The following RYR1 variants were observed in gnomAD, a reference collection of about 807,000 sequenced individuals.
RYR1 encodes the protein ryanodine receptor 1, also known as central core disease of muscle.
RYR1 carries 342 observed loss-of-function variants against 583.5 expected under a neutral mutation model. The observed-to-expected ratio is 0.59, with a 90% confidence interval of 0.54 to 0.64. The LOEUF (loss-of-function observed/expected upper bound fraction) is 0.64. Ranked by LOEUF, RYR1 falls within the 30% of genes least tolerant of loss-of-function variation. RYR1 has a pLI of 0.00. For missense variants in RYR1, 6,032 were observed against 6,917.2 expected (o/e 0.87, Z 4.54); for synonymous variants, 2,791 against 2,822.5 (o/e 0.99, Z 0.35).
rs541627923 is a variant in RYR1 at position 38,578,031 on chromosome 19, G to A, written c.14286G>A (p.Pro4762=). Residue 4762 remains proline (P), a synonymous_variant, in exon 98 of 106, where the codon CCG becomes CCA. Coordinates refer to ENST00000359596, the MANE Select transcript of RYR1 (RefSeq NM_000540.3). ...TAHNERKPNP[P]PGLLTWLMSI... is the part of the protein sequence containing the mutation. Reference sequence around the variant, plus strand: ...ACAATGAGCGCAAGCCCAACCCGCCGCCAGGGCTGCTGACCTGGTGAGCCC... The same window carrying A: ...ACAATGAGCGCAAGCCCAACCCGCCACCAGGGCTGCTGACCTGGTGAGCCC... 2.8e-5 allele frequency: 45 copies of A among 1,614,066 alleles called. No homozygotes were observed. The highest frequency in any genetic ancestry group is 2.6e-4 in the South Asian group (24 of 91,072).
Position 38,512,467 on chromosome 19 carries a change from C to T in RYR1, c.9456C>T (p.Phe3152=), listed in dbSNP as rs369206584. The T allele has an allele frequency of 9.2e-5, 148 of 1,611,994 alleles. No individual in the cohort carries two copies. Among genetic ancestry groups the T allele is most frequent in the Middle Eastern group, 3.3e-4 (2 of 6,084 alleles). The change falls in exon 63 of 106, where the codon TTC becomes TTT. Residue 3152 remains phenylalanine (F), a synonymous_variant. Coordinates refer to ENST00000359596, the MANE Select transcript of RYR1 (RefSeq NM_000540.3). The surrounding 1 kb of genome is among the most constrained non-coding windows in gnomAD (Gnocchi z 5.1). Reference sequence around the variant, plus strand: ...TCCAGCACATCGCCCAGCACCAGTTCGGAGATGACGTCATCCGTAAGGGCG... The same window carrying T: ...TCCAGCACATCGCCCAGCACCAGTTTGGAGATGACGTCATCCGTAAGGGCG... ...TLFQHIAQHQ[F]GDDVILDDVQ... is the part of the protein sequence containing the mutation.
In RYR1 at chr19:38,496,987, G is replaced by C. The variant is rs767223085; in HGVS notation, c.6891+33G>C. On this transcript the variant is annotated intron_variant, in intron 42 of 105. Coordinates refer to ENST00000359596, the MANE Select transcript of RYR1 (RefSeq NM_000540.3). This position sits in a 1 kb window ranked among gnomAD's most constrained non-coding sequence, Gnocchi z 4.8. ...GGGCAGGGCTGGGCCCCAGGCCTAA[G>C]GGAGGAAATCGGGCCGCTACCCGGC... 2 of 1,587,658 alleles carry C rather than the reference G, an allele frequency of 1.3e-6. No homozygotes were observed. Among genetic ancestry groups the C allele is most frequent in the Non-Finnish European group, 1.7e-6 (2 of 1,156,958 alleles).
intron 33 of RYR1, among the ~76,000 whole-genome samples, chr19:38,485,004 A>G (rs547037503): frequency 2.0e-5 from 3 of 151,866 alleles, no homozygotes; most frequent in Non-Finnish European, 4.4e-5. Context: ...TAAGCACTTT[A>G]CTATGTGCTA....
chr19:38,441,184 C>T (rs1023821326), intron 2 of RYR1, among the ~76,000 whole-genome samples: 1 of 144,462 alleles, frequency 6.9e-6, no homozygotes, highest in South Asian at 2.3e-4. Context: ...GGGGAGGTAG[C>T]CTGAGAGTCC....
rs1969261114 is a variant in RYR1 at position 38,485,864 on chromosome 19, C to A, written c.5209C>A (p.Leu1737Ile). ...CATGCTCTCTGAATACATCGTGCCC[C>A]TCACGCCTGAGACCCGCGCCATCAC... Reference protein sequence around the residue: ...RSMLSEYIVPLTPETRAITLF... With the variant: ...RSMLSEYIVPITPETRAITLF... Residue 1737 changes from leucine (L) to isoleucine (I), a missense_variant, in exon 34 of 106, where the codon CTC becomes ATC. Physicochemically the swap from Leu to Ile is conservative, Grantham distance 5 (BLOSUM62 2). Coordinates refer to ENST00000359596, the MANE Select transcript of RYR1 (RefSeq NM_000540.3). 2 of 1,613,696 alleles carry A rather than the reference C, an allele frequency of 1.2e-6. No homozygotes were observed. Among genetic ancestry groups the A allele is most frequent in the African/African-American group, 1.3e-5 (1 of 74,932 alleles).
Position 38,567,916 on chromosome 19 carries a change from TG to T in RYR1, c.13659+1del, listed in dbSNP as rs778525308. 1 of 1,613,196 alleles carries T rather than the reference TG, an allele frequency of 6.2e-7. No homozygotes were observed. Among genetic ancestry groups the T allele is most frequent in the Non-Finnish European group, 8.5e-7 (1 of 1,179,928 alleles). On this transcript the variant is annotated frameshift_variant and splice_region_variant, in exon 93 of 106. Coordinates refer to ENST00000359596, the MANE Select transcript of RYR1 (RefSeq NM_000540.3). LOFTEE classifies it high-confidence loss of function. ...GELEVQRVKF[L>X]NYLSRNFYTL... Reference sequence around the variant, plus strand: ...CTGGAGGTGCAGAGGGTGAAGTTCCTGGTAAGGATCCAGCCAGGTCACCTGA... The same window carrying T: ...CTGGAGGTGCAGAGGGTGAAGTTCCTGTAAGGATCCAGCCAGGTCACCTGA...
Position 38,570,627 on chromosome 19 carries a change from T to C in RYR1, c.13680T>C (p.Phe4560=), listed in dbSNP as rs377664510. The change falls in exon 94 of 106, where the codon TTT becomes TTC. Residue 4560 remains phenylalanine (F), a synonymous_variant. Transcript: ENST00000359596. ...CTCAGAACTACCTGTCCCGGAACTT[T>C]TACACCCTGCGGTTCCTTGCCCTCT... is the stretch of plus-strand genomic sequence containing the variant. ...VKFLNYLSRN[F]YTLRFLALFL... The C allele has an allele frequency of 3.3e-4, 538 of 1,614,044 alleles. 5 individuals carry two copies. The South Asian group carries it at 5.6e-3, about 17-fold the overall frequency.
Position 38,528,350 on chromosome 19 carries a change from T to G in RYR1, c.10869T>G (p.Leu3623=), listed in dbSNP as rs1345254137. 2 of 1,613,918 alleles carry G rather than the reference T, an allele frequency of 1.2e-6. No homozygotes were observed. Among genetic ancestry groups the G allele is most frequent in the Non-Finnish European group, 1.7e-6 (2 of 1,179,990 alleles). The change falls in exon 74 of 106, where the codon CTT becomes CTG. Residue 3623 remains leucine, a synonymous_variant. Transcript: ENST00000359596. Reference sequence around the variant, plus strand: ...CTAAGAAGGCCGTGTGGCACAAGCTTTTGTCCAAACAGCGCCGGCGGGCAG... The same window carrying G: ...CTAAGAAGGCCGTGTGGCACAAGCTGTTGTCCAAACAGCGCCGGCGGGCAG... The part of the protein sequence containing the change: ...YKSKKAVWHK[L]LSKQRRRAVV...
At chr19:38,525,525 G>A (rs1423338245) in intron 71 of RYR1, 23 bp downstream of exon 71, 8 of 1,611,576 alleles carry the variant, frequency 5.0e-6, no homozygotes, top group East Asian at 2.2e-5. Flanking sequence ...CCCCGTCCTC[G>A]GAACCTTCCA....
chr19:38,440,891 G>C (rs765145184), intron 2 of RYR1, 27 bp downstream of exon 2: 3 of 1,601,946 alleles, frequency 1.9e-6, no homozygotes, highest in Non-Finnish European at 2.6e-6. Flanking sequence ...GAGGGGCCTG[G>C]GGACAGGGGC....
At chr19:38,529,139 G>A (rs1971619055) in intron 76 of RYR1, 82 bp downstream of exon 76, 2 of 1,398,376 alleles carry the variant, frequency 1.4e-6, no homozygotes, top group Non-Finnish European at 1.0e-6. Context: ...TGTGCCTCAG[G>A]AGAGGCCCTC....
At chr19:38,529,787 G>T (rs1355496959) in intron 76 of RYR1, among the ~76,000 whole-genome samples, 1 of 152,092 alleles carries the variant, frequency 6.6e-6, no homozygotes, top group Admixed American at 6.6e-5. Flanking sequence ...TGCAGATGGC[G>T]CAGCTGCTGC....
chr19:38,473,691 CCCGCAGG>C lies in RYR1; in HGVS notation c.4082_4088del (p.Pro1361ArgfsTer35). 1 of 1,549,864 alleles carries C rather than the reference CCCGCAGG, an allele frequency of 6.5e-7. No homozygotes were observed. Reference sequence around the variant, plus strand: ...CGAAGGAGGGCGCCCCCGGGGGCACCCCGCAGGCGGGGGGAGAGGCGCAGCCCGCCAG... The same window carrying C: ...CGAAGGAGGGCGCCCCCGGGGGCACCCGGGGGGAGAGGCGCAGCCCGCCAG... On this transcript the variant is annotated frameshift_variant, in exon 28 of 106. Coordinates refer to ENST00000359596, the MANE Select transcript of RYR1 (RefSeq NM_000540.3). LOFTEE classifies it high-confidence loss of function.
chr19:38,552,473 G>C (rs548863505), intron 89 of RYR1, among the ~76,000 whole-genome samples: 2 of 151,984 alleles, frequency 1.3e-5, no homozygotes, highest in East Asian at 1.9e-4. Flanking sequence ...AGGTGGTCTC[G>C]ATCTCCTGAC....
At chr19:38,504,498 T>A (rs1970349055) in intron 50 of RYR1, 138 bp downstream of exon 50, 1 of 1,226,120 alleles carries the variant, frequency 8.2e-7, no homozygotes, top group South Asian at 1.5e-5. Flanking sequence ...GGAGGATCTA[T>A]GGGTTGAGGC....
Position 38,475,359 on chromosome 19 carries a change from C to T in RYR1, c.4202C>T (p.Pro1401Leu). 1.2e-6 allele frequency: 2 copies of T among 1,611,156 alleles called. No individual in the cohort carries two copies. The highest frequency in any genetic ancestry group is 2.2e-5 in the East Asian group (1 of 44,790). The change falls in exon 29 of 106, where the codon CCA becomes CTA. Residue 1401 changes from proline (P) to leucine (L), a missense_variant. This residue lies in a region of RYR1 where 2,627 missense variants were observed against 2,961.3 expected (regional missense o/e 0.89). Transcript: ENST00000359596. ...AAGAAGGTCGCCATGATGACCCAGC[C>T]ACCGGCCACCCCCACGCTGCCCCGA... ...KAKKVAMMTQ[P>L]PATPTLPRLP...
intron 97 of RYR1, among the ~76,000 whole-genome samples, chr19:38,576,274 C>CA (rs777646975): frequency 1.3e-5 from 2 of 151,990 alleles, no homozygotes; most frequent in African/African-American, 4.8e-5. Context: ...GGCAACATGG[C>CA]AAAATGCCGT....
chr19:38,528,600 C>T lies in RYR1; in HGVS notation c.10939C>T (p.His3647Tyr). ...RMTPLYNLPT[H>Y]RACNMFLESY... ...TGACGTCACACCTCTCCCCTGCAGGCACCGGGCATGTAACATGTTCCTGGA... is the reference window on the plus strand; with the variant it reads ...TGACGTCACACCTCTCCCCTGCAGGTACCGGGCATGTAACATGTTCCTGGA... The change falls in exon 75 of 106, where the codon CAC (histidine) becomes TAC (tyrosine). Residue 3647 changes from histidine (H) to tyrosine (Y), a missense_variant and splice_region_variant. By Grantham distance (83) the His-to-Tyr change is moderately conservative. This residue lies in a region of RYR1 where 1,493 missense variants were observed against 1,715.5 expected (regional missense o/e 0.87). Coordinates refer to ENST00000359596, the MANE Select transcript of RYR1 (RefSeq NM_000540.3). 1 of 1,614,124 alleles carries T rather than the reference C, an allele frequency of 6.2e-7. No homozygotes were observed. The highest frequency in any genetic ancestry group is 8.5e-7 in the Non-Finnish European group (1 of 1,180,008).
At position 38,466,086 on chromosome 19, in the gene RYR1, C is replaced by A; in HGVS notation, c.2871-5C>A. ...TTGTCCCATGGAGCCCTACCATGCC[C>A]GCAGGTATATGATGAGCAATGGGTA... On this transcript the variant is annotated splice_polypyrimidine_tract_variant and splice_region_variant and intron_variant, in intron 23 of 105. Coordinates refer to ENST00000359596, the MANE Select transcript of RYR1 (RefSeq NM_000540.3). 2 of 1,605,838 alleles carry A rather than the reference C, an allele frequency of 1.2e-6. No homozygotes were observed. Among genetic ancestry groups the A allele is most frequent in the East Asian group, 2.3e-5 (1 of 44,348 alleles).
Sources: allele counts gnomAD v4.1 joint callset (sites outside exome capture counted in the v4.1 genomes callset), GRCh38; gene constraint gnomAD v4.1.1; regional missense constraint gnomAD v4.1.1; non-coding constraint Gnocchi (gnomAD v3.1); transcripts MANE v1.5; gene names NCBI Gene and HGNC (gene_info 2026-07-23, HGNC 2026-07-21).